The following MUC22 variants were observed in gnomAD, a reference collection of about 807,000 sequenced individuals.
MUC22 encodes the protein mucin-22.
Under a neutral mutation model 40.3 loss-of-function variants are expected in MUC22, and 24 were observed. That is an observed-to-expected ratio of 0.60 (90% CI 0.43 to 0.84). MUC22 has a LOEUF of 0.84. Ranked by LOEUF, MUC22 falls within the 40% of genes least tolerant of loss-of-function variation. MUC22 has a pLI of 0.00. For missense variants in MUC22, 1,926 were observed against 2,130.7 expected, an observed-to-expected ratio of 0.90 and a Z score of 1.89; for synonymous variants, 765 against 844.5, an observed-to-expected ratio of 0.91 and a Z score of 1.63.
chr6:31,032,424 GC>G lies in MUC22; in HGVS notation c.4901del (p.Pro1634ArgfsTer11). 2.0e-6 allele frequency: 3 copies of G among 1,535,724 alleles called. No homozygotes were observed. The highest frequency in any genetic ancestry group is 2.6e-6 in the Non-Finnish European group (3 of 1,146,912). On this transcript the variant is annotated frameshift_variant, in exon 3 of 4. Transcript: ENST00000561890. LOFTEE classifies it high-confidence loss of function. This position sits in a 1 kb window ranked among gnomAD's most constrained non-coding sequence, Gnocchi z 4.1. ...ACCAGCAGCACCTTCCAGGAAACAGGCCCGGTGTCCATGGGCACAAACACAG... is the reference window on the plus strand; with the variant it reads ...ACCAGCAGCACCTTCCAGGAAACAGGCCGGTGTCCATGGGCACAAACACAG...
At position 31,032,173 on chromosome 6, in the gene MUC22, A is replaced by G. The variant is rs181571568; in HGVS notation, c.4670-23A>G. On this transcript the variant is annotated intron_variant, in intron 2 of 3. Coordinates refer to ENST00000561890, the Ensembl canonical transcript of MUC22. The surrounding 1 kb of genome is among the most constrained non-coding windows in gnomAD (Gnocchi z 4.1). Reference sequence around the variant, plus strand: ...TAATCATCTCTGCTACAAATGCATCATCTTGTGTGACCTGTTTCATAGGCA... The same window carrying G: ...TAATCATCTCTGCTACAAATGCATCGTCTTGTGTGACCTGTTTCATAGGCA... The G allele has an allele frequency of 1.3e-6, 2 of 1,518,302 alleles. No individual in the cohort carries two copies. Among genetic ancestry groups the G allele is most frequent in the East Asian group, 2.5e-5 (1 of 40,792 alleles). The allele number at this position is 1,518,302 out of a possible 1,614,324, so 94.1% of individuals were successfully genotyped here. A position where few individuals can be genotyped will look rare whatever the true frequency, so the allele number is the denominator to read the frequency against.
intron 1 of MUC22, among the ~76,000 whole-genome samples, chr6:31,016,072 T>G (rs1263800164): frequency 6.7e-6 from 1 of 150,160 alleles, no homozygotes; most frequent in Non-Finnish European, 1.5e-5. Context: ...ATTTTGAGGT[T>G]TTTTTTTTTC....
chr6:31,016,999 C>T (rs1007464126), intron 1 of MUC22, among the ~76,000 whole-genome samples: 8 of 152,342 alleles, frequency 5.3e-5, no homozygotes, highest in South Asian at 2.1e-4. Context: ...GCGGGTGCTG[C>T]GCTCCAATTC....
chr6:31,029,396 G>A (rs969227994), exon 2 of MUC22: 6 of 1,534,766 alleles, frequency 3.9e-6, no homozygotes, highest in Non-Finnish European at 5.2e-6. Flanking sequence ...TCTACCACGG[G>A]CTCTGAGACC....
In MUC22 at chr6:31,032,506, C is replaced by A; in HGVS notation, c.4980C>A (p.Pro1660=). ...TCAAACCAAGTGGATATTTACAGCC[C>A]TGGGCTATCATCCTCATTTCCCTGG... Residue 1660 remains proline, a synonymous_variant, in exon 3 of 4, where the codon CCC becomes CCA. Transcript: ENST00000561890. This position sits in a 1 kb window ranked among gnomAD's most constrained non-coding sequence, Gnocchi z 4.1. 6.5e-7 allele frequency: 1 copy of A among 1,535,716 alleles called. No homozygotes were observed. Among genetic ancestry groups the A allele is most frequent in the East Asian group, 2.4e-5 (1 of 40,926 alleles).
At position 31,011,852 on chromosome 6, in the gene MUC22, T is replaced by C. The variant is rs1232391216; in HGVS notation, c.70+1076T>C. 1.3e-5 allele frequency among the ~76,000 whole-genome samples: 2 copies of C among 152,262 alleles called. No individual in the cohort carries two copies. Among genetic ancestry groups the C allele is most frequent in the African/African-American group, 4.8e-5 (2 of 41,458 alleles). On this transcript the variant is annotated intron_variant, in intron 1 of 3. Coordinates refer to ENST00000561890, the Ensembl canonical transcript of MUC22. This position sits in a 1 kb window ranked among gnomAD's most constrained non-coding sequence, Gnocchi z 4.5. ...TCACTGCATCTACGCCAACATCTAC[T>C]GTTTTTTGATTTTTTGCTTCAACCC...
chr6:31,010,279 C>T (rs1763773442), upstream of MUC22, among the ~76,000 whole-genome samples: 1 of 152,072 alleles, frequency 6.6e-6, no homozygotes, highest in African/African-American at 2.4e-5. Flanking sequence ...CCCTCCCTGC[C>T]CCTCCTCATG....
upstream of MUC22, among the ~76,000 whole-genome samples, chr6:31,007,364 G>A (rs2523923): frequency 0.15 from 22,479 of 152,108 alleles, 1,733 homozygotes; most frequent in Admixed American, 0.2. The surrounding 1 kb of genome is among the most constrained non-coding windows in gnomAD (Gnocchi z 4.0). Flanking sequence ...AGAGTGGTCC[G>A]TTTGTGGGAA....
intron 1 of MUC22, among the ~76,000 whole-genome samples, chr6:31,015,571 C>T (rs28360980): frequency 0.031 from 4,649 of 148,698 alleles, 86 homozygotes; most frequent in Middle Eastern, 0.038. Context: ...CTTATTCCAC[C>T]CTCACATTTG....
chr6:31,024,924 G>A (rs1023949645), intron 1 of MUC22, among the ~76,000 whole-genome samples: 4 of 149,932 alleles, frequency 2.7e-5, no homozygotes, highest in Admixed American at 6.6e-5. Flanking sequence ...AGGCTGGAGT[G>A]CAGTGGTGCA....
Position 31,032,500 on chromosome 6 carries a change from A to G in MUC22, c.4974A>G (p.Leu1658=), listed in dbSNP as rs1766140495. ...ACGTGATCAAACCAAGTGGATATTT[A>G]CAGCCCTGGGCTATCATCCTCATTT... The change falls in exon 3 of 4, where the codon TTA becomes TTG. Residue 1658 remains leucine, a synonymous_variant. Coordinates refer to ENST00000561890, the Ensembl canonical transcript of MUC22. The surrounding 1 kb of genome is among the most constrained non-coding windows in gnomAD (Gnocchi z 4.1). 6.5e-7 allele frequency: 1 copy of G among 1,535,710 alleles called. No homozygotes were observed. The highest frequency in any genetic ancestry group is 1.2e-5 in the South Asian group (1 of 84,068).
chr6:31,008,470 A>G (rs1763653306), upstream of MUC22, among the ~76,000 whole-genome samples: 1 of 152,142 alleles, frequency 6.6e-6, no homozygotes, highest in South Asian at 2.1e-4. Context: ...ATGGGGGGAA[A>G]ACAGTCCTGA....
Position 31,020,743 on chromosome 6 carries a change from G to A in MUC22, c.71-4759G>A, listed in dbSNP as rs528763183. On this transcript the variant is annotated intron_variant, in intron 1 of 3. Coordinates refer to ENST00000561890, the Ensembl canonical transcript of MUC22. Reference sequence around the variant, plus strand: ...GGAGGGAGAGGTGCGAGCGGGAACCGGGACTGTGCGCGGCGCTTGCGGGCC... The same window carrying A: ...GGAGGGAGAGGTGCGAGCGGGAACCAGGACTGTGCGCGGCGCTTGCGGGCC... 3.8e-3 allele frequency among the ~76,000 whole-genome samples: 580 copies of A among 152,304 alleles called. 6 individuals are homozygous for A. Among genetic ancestry groups the A allele is most frequent in the Admixed American group, 9.1e-3 (140 of 15,306 alleles).
chr6:31,007,171 A>G (rs1422910454), upstream of MUC22, among the ~76,000 whole-genome samples: 1 of 145,950 alleles, frequency 6.9e-6, no homozygotes, highest in Non-Finnish European at 1.5e-5. The surrounding 1 kb of genome is among the most constrained non-coding windows in gnomAD (Gnocchi z 4.0). Flanking sequence ...ATTTAGATTA[A>G]ACATAGACAG....
intron 1 of MUC22, among the ~76,000 whole-genome samples, chr6:31,016,146 T>G (rs9257012): frequency 7.0e-6 from 1 of 142,630 alleles, no homozygotes; most frequent in Non-Finnish European, 1.5e-5. Context: ...TTTTTTTTTT[T>G]GTGGGTGCTA....
exon 2 of MUC22, chr6:31,027,070 A>G (rs1454455276): frequency 3.3e-6 from 5 of 1,494,914 alleles, no homozygotes; most frequent in Admixed American, 4.1e-5. Context: ...TGAGCCTACC[A>G]TGGCATCCAC....
chr6:31,020,440 A>ATTTTTTT (rs1764588893), intron 1 of MUC22, among the ~76,000 whole-genome samples: 1 of 82,200 alleles, frequency 1.2e-5, no homozygotes, highest in Non-Finnish European at 2.4e-5. Flanking sequence ...CTGGAAATTG[A>ATTTTTTT]CTTTTTTTTT....
At chr6:31,012,785 C>T (rs573996811) in intron 1 of MUC22, among the ~76,000 whole-genome samples, 6 of 152,150 alleles carry the variant, frequency 3.9e-5, no homozygotes, top group Admixed American at 2.0e-4. Context: ...GAATGCTGGG[C>T]GCCGTCTCAC....
chr6:31,030,550 C>G (rs927424093), intron 2 of MUC22, among the ~76,000 whole-genome samples: 6 of 147,892 alleles, frequency 4.1e-5, no homozygotes, highest in Non-Finnish European at 8.9e-5. Context: ...CTTCTGGAAT[C>G]CTAATTGCCT....
Sources: gnomAD v4.1 joint callset for allele counts (sites outside exome capture counted in the v4.1 genomes callset) on GRCh38, gnomAD v4.1.1 for gene constraint, Gnocchi (gnomAD v3.1) non-coding constraint, MANE v1.5 for transcripts, NCBI Gene and HGNC (gene_info 2026-07-23, HGNC 2026-07-21) for gene names.